HMGCLL1: variants seen among roughly 807,000 people sequenced by gnomAD.
The protein encoded by HMGCLL1 is 3-hydroxy-3-methylglutaryl-CoA lyase like 1.
HMGCLL1 carries 36 observed loss-of-function variants against 39.1 expected under a neutral mutation model. The ratio of observed to expected loss-of-function variants is 0.92; its 90% CI spans 0.71 to 1.22. The LOEUF is 1.22. Among genes scored for constraint, HMGCLL1 ranks in the 50% most tolerant of loss-of-function variants. The pLI, the probability that HMGCLL1 is intolerant of heterozygous loss-of-function variation, is 0.00. For synonymous variants in HMGCLL1, 149 were observed against 144.0 expected, an observed-to-expected ratio of 1.03 and a Z score of -0.25; for missense variants, 451 against 416.5, an observed-to-expected ratio of 1.08 and a Z score of -0.72.
intron 3 of HMGCLL1, among the ~76,000 whole-genome samples, chr6:55,517,834 A>G (rs1435829594): frequency 6.6e-6 from 1 of 152,120 alleles, no homozygotes; most frequent in South Asian, 2.1e-4. Context: ...TTTGAAATTA[A>G]ATACCTAAGA....
At chr6:55,456,890 A>C (rs993052707) in intron 7 of HMGCLL1, among the ~76,000 whole-genome samples, 26 of 152,312 alleles carry the variant, frequency 1.7e-4, no homozygotes, top group African/African-American at 5.3e-4. Flanking sequence ...AACAGGGTGC[A>C]AATCGTAGGA....
the HMGCLL1 span, among the ~76,000 whole-genome samples, chr6:55,674,338 T>C: frequency 6.6e-6 from 1 of 151,372 alleles, no homozygotes; most frequent in East Asian, 1.9e-4. Flanking sequence ...TTCAAGGTTA[T>C]ATGTGATATG....
At chr6:55,520,111 G>A (rs1311868928) in intron 3 of HMGCLL1, among the ~76,000 whole-genome samples, 6 of 113,074 alleles carry the variant, frequency 5.3e-5, no homozygotes, top group African/African-American at 1.6e-4. Flanking sequence ...GGTGGGGGGC[G>A]GGGGGAGGGA....
intron 1 of HMGCLL1, among the ~76,000 whole-genome samples, chr6:55,574,311 A>G: frequency 6.6e-6 from 1 of 151,956 alleles, no homozygotes; most frequent in Non-Finnish European, 1.5e-5. Context: ...GCACAAGTAT[A>G]AATGGATATT....
chr6:55,469,501 A>C (rs962009588), intron 7 of HMGCLL1, among the ~76,000 whole-genome samples: 2 of 149,784 alleles, frequency 1.3e-5, no homozygotes, highest in African/African-American at 4.9e-5. Context: ...ATATGAAGTT[A>C]GTTATCTTGA....
At chr6:55,513,546 T>C (rs1767575238) in intron 5 of HMGCLL1, 1 of 154,040 alleles carries the variant, frequency 6.5e-6, no homozygotes, top group African/African-American at 2.4e-5. Context: ...AGTAGAAAAG[T>C]CAGCCATTGA....
intron 7 of HMGCLL1, among the ~76,000 whole-genome samples, chr6:55,468,733 T>G (rs1764899257): frequency 6.6e-6 from 1 of 151,922 alleles, no homozygotes; most frequent in South Asian, 2.1e-4. Flanking sequence ...GAAGACAAAA[T>G]CAAAATTTAA....
chr6:55,441,465 T>C (rs949188693), intron 7 of HMGCLL1, among the ~76,000 whole-genome samples: 1 of 152,128 alleles, frequency 6.6e-6, no homozygotes, highest in African/African-American at 2.4e-5. Context: ...ATATTTGTCA[T>C]AACTAAAGAA....
the HMGCLL1 span, among the ~76,000 whole-genome samples, chr6:55,607,894 T>C: frequency 6.6e-6 from 1 of 152,222 alleles, no homozygotes; most frequent in South Asian, 2.1e-4. Flanking sequence ...AGTCATCCTT[T>C]CAGTTGCTCA....
chr6:55,446,589 T>C (rs555192487), intron 7 of HMGCLL1, among the ~76,000 whole-genome samples: 1 of 152,034 alleles, frequency 6.6e-6, no homozygotes, highest in East Asian at 1.9e-4. Flanking sequence ...GTCATAAACA[T>C]ATCATGTCTG....
the HMGCLL1 span, among the ~76,000 whole-genome samples, chr6:55,624,938 A>G: frequency 6.6e-6 from 1 of 152,138 alleles, no homozygotes; most frequent in Admixed American, 6.6e-5. Flanking sequence ...AATGTGGTCC[A>G]GAACAGGAGA....
intron 7 of HMGCLL1, among the ~76,000 whole-genome samples, chr6:55,449,675 T>G (rs375796442): frequency 6.6e-6 from 1 of 152,232 alleles, no homozygotes; most frequent in Non-Finnish European, 1.5e-5. Flanking sequence ...CTTCTGCTAA[T>G]TGAACGTTTT....
chr6:55,613,963 T>TA, the HMGCLL1 span, among the ~76,000 whole-genome samples: 1 of 152,130 alleles, frequency 6.6e-6, no homozygotes, highest in Non-Finnish European at 1.5e-5. Context: ...GAAAAAGCAC[T>TA]AATACTTCTG....
chr6:55,582,074 T>G (rs981893505), upstream of HMGCLL1, among the ~76,000 whole-genome samples: 1 of 152,146 alleles, frequency 6.6e-6, no homozygotes, highest in African/African-American at 2.4e-5. Flanking sequence ...TCTGCTCCAC[T>G]TCCTATCTGT....
the HMGCLL1 span, among the ~76,000 whole-genome samples, chr6:55,613,291 A>G: frequency 6.6e-6 from 1 of 152,212 alleles, no homozygotes; most frequent in Non-Finnish European, 1.5e-5. Flanking sequence ...AAGTCAAGAA[A>G]CAACAGATGC....
the HMGCLL1 span, among the ~76,000 whole-genome samples, chr6:55,614,428 C>T: frequency 6.6e-6 from 1 of 152,114 alleles, no homozygotes; most frequent in African/African-American, 2.4e-5. Flanking sequence ...GCATCTTAAT[C>T]TGAGATGTCC....
At chr6:55,641,112 A>G in the HMGCLL1 span, among the ~76,000 whole-genome samples, 19 of 151,848 alleles carry the variant, frequency 1.3e-4, no homozygotes, top group African/African-American at 4.6e-4. Flanking sequence ...ACATACAAAT[A>G]TGATAAATAG....
At chr6:55,443,647 A>G (rs912288321) in intron 7 of HMGCLL1, among the ~76,000 whole-genome samples, 38 of 151,250 alleles carry the variant, frequency 2.5e-4, no homozygotes, top group African/African-American at 9.3e-4. Flanking sequence ...CCAATGTCAC[A>G]CTAGAGCAAA....
the HMGCLL1 span, among the ~76,000 whole-genome samples, chr6:55,589,393 G>C: frequency 6.6e-6 from 1 of 152,074 alleles, no homozygotes; most frequent in African/African-American, 2.4e-5. Flanking sequence ...GGTATTGATG[G>C]GATGTATCTC....
Sources: gnomAD v4.1 joint callset for allele counts (sites outside exome capture counted in the v4.1 genomes callset) on GRCh38, gnomAD v4.1.1 for gene constraint, MANE v1.5 for transcripts, NCBI Gene and HGNC (gene_info 2026-07-23, HGNC 2026-07-21) for gene names.